HECW1: variants seen among roughly 807,000 people sequenced by gnomAD.
The protein encoded by HECW1 is E3 ubiquitin-protein ligase HECW1.
Under a neutral mutation model 182.3 loss-of-function variants are expected in HECW1, and 61 were observed. The ratio of observed to expected loss-of-function variants is 0.33; its 90% confidence interval spans 0.27 to 0.41. The LOEUF (loss-of-function observed/expected upper bound fraction) is 0.41, where lower values mean the gene tolerates loss of function less well. HECW1 is among the 10% of genes least tolerant of loss of function. HECW1 has a pLI of 1.00. For missense variants in HECW1, 1,739 were observed against 2,108.9 expected (o/e 0.82, Z 3.44); for synonymous variants, 859 against 832.6 (o/e 1.03, Z -0.55).
At chr7:43,334,500 C>A (rs1283049953) in intron 5 of HECW1, among the ~76,000 whole-genome samples, 1 of 152,200 alleles carries the variant, frequency 6.6e-6, no homozygotes, top group Non-Finnish European at 1.5e-5. Context: ...AATTTAGACA[C>A]AAACAACCCT....
intron 5 of HECW1, 32 bp from the exon 6 acceptor site, chr7:43,360,854 C>T (rs1299936080): frequency 6.6e-7 from 1 of 1,523,208 alleles, no homozygotes; most frequent in Non-Finnish European, 9.1e-7. Flanking sequence ...TTACACCCTA[C>T]TTCTCAGTCT....
intron 13 of HECW1, among the ~76,000 whole-genome samples, chr7:43,463,300 T>G (rs2077650556): frequency 6.6e-6 from 1 of 152,202 alleles, no homozygotes; most frequent in African/African-American, 2.4e-5. Flanking sequence ...AATGTTGAGG[T>G]AATTTGATAT....
chr7:43,463,635 T>C (rs777179077), intron 13 of HECW1, 25 bp from the exon 14 acceptor site: 1 of 1,605,638 alleles, frequency 6.2e-7, no homozygotes, highest in Non-Finnish European at 8.5e-7. Flanking sequence ...AGTTAACTCC[T>C]GTCTTTCCAT....
intron 2 of HECW1, among the ~76,000 whole-genome samples, chr7:43,211,654 T>A (rs145454467): frequency 1.3e-3 from 203 of 152,316 alleles, no homozygotes; most frequent in Middle Eastern, 3.4e-3. Flanking sequence ...CCTGTGTTCA[T>A]AATAACCCTT....
At chr7:43,253,591 T>G (rs1010176811) in intron 3 of HECW1, among the ~76,000 whole-genome samples, 1 of 152,218 alleles carries the variant, frequency 6.6e-6, no homozygotes, top group Non-Finnish European at 1.5e-5. Flanking sequence ...GTTCCGTGCC[T>G]TCAGTTTTCC....
At chr7:43,554,080 C>G (rs771152396) in intron 28 of HECW1, among the ~76,000 whole-genome samples, 1 of 152,226 alleles carries the variant, frequency 6.6e-6, no homozygotes, top group Non-Finnish European at 1.5e-5. Flanking sequence ...CAGGGCTGGC[C>G]TGAGAGCAGC....
At chr7:43,192,029 G>A (rs2152683766) in intron 2 of HECW1, among the ~76,000 whole-genome samples, 1 of 149,666 alleles carries the variant, frequency 6.7e-6, no homozygotes, top group Non-Finnish European at 1.5e-5. Context: ...GCATGATCTT[G>A]GCTCACTGCA....
intron 2 of HECW1, chr7:43,161,690 A>G (rs1790542962): frequency 6.8e-6 from 1 of 147,074 alleles, no homozygotes; most frequent in African/African-American, 2.5e-5. Context: ...GACGGTTTCC[A>G]TTATTTTGGA....
rs764559673 is a variant in HECW1 at position 43,508,103 on chromosome 7, C to A, written c.3838C>A (p.Leu1280Ile). ...GCGGAAAGAGCTCCAGCGAAACAAGCTCTACGTCACCTTTGTTGGAGAGGA... is the reference window on the plus strand; with the variant it reads ...GCGGAAAGAGCTCCAGCGAAACAAGATCTACGTCACCTTTGTTGGAGAGGA... ...YSRKELQRNKLYVTFVGEEGL... is the reference protein window; with the variant it reads ...YSRKELQRNKIYVTFVGEEGL... Residue 1280 changes from leucine (L) to isoleucine (I), a missense_variant, in exon 23 of 30, where the codon CTC (leucine) becomes ATC (isoleucine). Transcript: ENST00000395891. 3 of 1,613,734 alleles carry A rather than the reference C, an allele frequency of 1.9e-6. No homozygotes were observed. The highest frequency in any genetic ancestry group is 1.6e-4 in the Middle Eastern group (1 of 6,082).
At chr7:43,454,216 C>A (rs769500013) in intron 12 of HECW1, among the ~76,000 whole-genome samples, 10 of 152,226 alleles carry the variant, frequency 6.6e-5, no homozygotes, top group Non-Finnish European at 1.0e-4. Context: ...TGTCACTCAT[C>A]TCTGTGTCCT....
At chr7:43,488,482 AAGAAAG>A (rs769791474) in intron 17 of HECW1, among the ~76,000 whole-genome samples, 21 of 147,910 alleles carry the variant, frequency 1.4e-4, no homozygotes, top group African/African-American at 1.8e-4. Context: ...GAAAGAAAGA[AAGAAAG>A]AGAAAGAAAG....
intron 6 of HECW1, among the ~76,000 whole-genome samples, chr7:43,389,640 T>C (rs750651468): frequency 3.4e-4 from 51 of 152,034 alleles, no homozygotes; most frequent in Admixed American, 1.7e-3. Flanking sequence ...GTTGTTGTTG[T>C]TGTTGTCGTT....
chr7:43,119,481 G>A (rs369010655), intron 2 of HECW1, among the ~76,000 whole-genome samples: 6 of 152,198 alleles, frequency 3.9e-5, no homozygotes, highest in African/African-American at 1.2e-4. Flanking sequence ...TGCGGGTACG[G>A]GGATTCCCCA....
At position 43,360,958 on chromosome 7, in the gene HECW1, C is replaced by A. The variant is rs1301593547; in HGVS notation, c.533C>A (p.Thr178Lys). The A allele has an allele frequency of 1.2e-6, 2 of 1,611,742 alleles. No homozygotes were observed. The highest frequency in any genetic ancestry group is 2.7e-5 in the African/African-American group (2 of 74,938). ...CTGCGAGCAACCACCCCCAGTGTCACGGTCAAAAACTCGGCAGCTCCTGTA... is the reference window on the plus strand; with the variant it reads ...CTGCGAGCAACCACCCCCAGTGTCAAGGTCAAAAACTCGGCAGCTCCTGTA... ...GALRATTPSV[T>K]VKNSAAPIFK... Residue 178 changes from threonine (T) to lysine (K), a missense_variant, in exon 6 of 30, where the codon ACG (threonine) becomes AAG (lysine). Thr to Lys is a moderately conservative substitution (Grantham distance 78). Around this residue, in one of 5 missense-constraint regions of HECW1, gnomAD observed 279 missense variants for 353.1 expected, o/e 0.79. Coordinates refer to ENST00000395891, the MANE Select transcript of HECW1 (RefSeq NM_015052.5).
chr7:43,561,448 CTT>C (rs1485767277), intron 29 of HECW1, among the ~76,000 whole-genome samples: 1 of 152,202 alleles, frequency 6.6e-6, no homozygotes, highest in Non-Finnish European at 1.5e-5. Context: ...GGCAAGAAGA[CTT>C]AGGAATATAA....
At chr7:43,169,166 G>A (rs1382428793) in intron 2 of HECW1, among the ~76,000 whole-genome samples, 1 of 152,112 alleles carries the variant, frequency 6.6e-6, no homozygotes, top group Non-Finnish European at 1.5e-5. Context: ...TACTCCCATA[G>A]CTGAAAGAGG....
chr7:43,487,238 A>C (rs912321433), intron 17 of HECW1, among the ~76,000 whole-genome samples: 2 of 152,220 alleles, frequency 1.3e-5, no homozygotes, highest in African/African-American at 4.8e-5. Flanking sequence ...TCACAGCTTT[A>C]AGGAAACCCA....
At chr7:43,467,169 T>C (rs2077814812) in intron 15 of HECW1, among the ~76,000 whole-genome samples, 2 of 152,110 alleles carry the variant, frequency 1.3e-5, no homozygotes, top group African/African-American at 4.8e-5. Context: ...CAGATTAAGG[T>C]GACACCTAAA....
At chr7:43,512,351 G>T (rs1419065505) in intron 24 of HECW1, among the ~76,000 whole-genome samples, 1 of 152,174 alleles carries the variant, frequency 6.6e-6, no homozygotes, top group Non-Finnish European at 1.5e-5. Context: ...TCAGAGATAA[G>T]CATAACCACA....
Sources: allele counts gnomAD v4.1 joint callset (sites outside exome capture counted in the v4.1 genomes callset), GRCh38; gene constraint gnomAD v4.1.1; regional missense constraint gnomAD v4.1.1; transcripts MANE v1.5; gene names NCBI Gene and HGNC (gene_info 2026-07-23, HGNC 2026-07-21).